PGS1: variants seen among roughly 807,000 people sequenced by gnomAD.
PGS1 encodes CDP-diacylglycerol--glycerol-3-phosphate 3-phosphatidyltransferase, mitochondrial.
PGS1 carries 44 observed loss-of-function variants against 58.3 expected under a neutral mutation model. The ratio of observed to expected loss-of-function variants is 0.75; its 90% confidence interval spans 0.59 to 0.97. The LOEUF (loss-of-function observed/expected upper bound fraction) is 0.97. PGS1 is among the 50% of genes least tolerant of loss of function. The pLI is 0.00. For missense variants in PGS1, 684 were observed against 731.1 expected (o/e 0.94, Z 0.74); for synonymous variants, 330 against 311.0 (o/e 1.06, Z -0.64).
In PGS1 at chr17:78,403,557, G is replaced by A. The variant is rs115179288; in HGVS notation, c.881-11G>A. 3.4e-3 allele frequency: 5,504 copies of A among 1,605,558 alleles called. 195 individuals are homozygous for A. In the African/African-American group the frequency reaches 0.065, roughly 19 times the overall value. On this transcript the variant is annotated splice_polypyrimidine_tract_variant and intron_variant, in intron 6 of 9. Coordinates refer to ENST00000262764, the MANE Select transcript of PGS1 (RefSeq NM_024419.5). Reference sequence around the variant, plus strand: ...TCTCTTCCCTTCACTCTTCTTTCACGTCTTCCCCAGGGGACCGGGCCGAGT... The same window carrying A: ...TCTCTTCCCTTCACTCTTCTTTCACATCTTCCCCAGGGGACCGGGCCGAGT...
intron 8 of PGS1, among the ~76,000 whole-genome samples, chr17:78,417,762 C>A (rs892838786): frequency 1.3e-5 from 2 of 151,376 alleles, no homozygotes; most frequent in Admixed American, 1.3e-4. Flanking sequence ...CGGTGGAGAG[C>A]GCTGGAGACT....
At position 78,419,700 on chromosome 17, in the gene PGS1, A is replaced by C. The variant is rs780360513; in HGVS notation, c.*10+25A>C. 2.0e-5 allele frequency: 33 copies of C among 1,611,398 alleles called. No homozygotes were observed. The South Asian group carries it at 3.4e-4, about 17-fold the overall frequency. ...GGTGCTGTCTCTAGCATCACCTCTC[A>C]GCACGATTTTCCCGAGAGTTCACAG... On this transcript the variant is annotated intron_variant, in intron 9 of 9. Coordinates refer to ENST00000262764, the MANE Select transcript of PGS1 (RefSeq NM_024419.5).
At chr17:78,391,068 G>T (rs1027259722) in intron 1 of PGS1, among the ~76,000 whole-genome samples, 2 of 152,102 alleles carry the variant, frequency 1.3e-5, no homozygotes, top group East Asian at 3.9e-4. Context: ...AGGCTCCTGA[G>T]TAGTTGGGAT....
intron 8 of PGS1, among the ~76,000 whole-genome samples, chr17:78,416,592 C>T (rs1365220176): frequency 1.3e-5 from 2 of 152,196 alleles, no homozygotes; most frequent in East Asian, 3.8e-4. Context: ...AAAGCTGGGG[C>T]CGCCTGTGGT....
chr17:78,404,263 T>TC (rs1331270728), intron 7 of PGS1, among the ~76,000 whole-genome samples, 174 bp downstream of exon 7: 1 of 149,656 alleles, frequency 6.7e-6, no homozygotes, highest in Non-Finnish European at 1.5e-5. Flanking sequence ...AGGCGAGCAT[T>TC]CATCTCCTCA....
intron 1 of PGS1, among the ~76,000 whole-genome samples, chr17:78,382,434 G>C (rs1411292018): frequency 6.6e-6 from 1 of 152,070 alleles, no homozygotes; most frequent in Non-Finnish European, 1.5e-5. Context: ...ATGGATGTTG[G>C]TACATTTCAC....
intron 9 of PGS1, chr17:78,419,907 G>A: frequency 7.9e-7 from 1 of 1,262,288 alleles, no homozygotes; most frequent in East Asian, 4.2e-5. Context: ...AAGTCCCAAG[G>A]CGCCTGTGCT....
In PGS1 at chr17:78,408,993, G is replaced by A. The variant is rs188774757; in HGVS notation, c.1402+4904G>A. Reference sequence around the variant, plus strand: ...CAGGAGCAGCCCGGCCTTGTCAGCCGTTGAAAGTGTGGTATCTGCTGGGTT... The same window carrying A: ...CAGGAGCAGCCCGGCCTTGTCAGCCATTGAAAGTGTGGTATCTGCTGGGTT... On this transcript the variant is annotated intron_variant, in intron 7 of 9. Transcript: ENST00000262764. Among the ~76,000 whole-genome samples the A allele has an allele frequency of 1.6e-4, 24 of 152,342 alleles. 1 individual carries two copies. The highest frequency in any genetic ancestry group is 6.5e-4 in the Admixed American group (10 of 15,302).
chr17:78,385,842 G>A (rs1385765291), intron 1 of PGS1, among the ~76,000 whole-genome samples: 1 of 152,254 alleles, frequency 6.6e-6, no homozygotes, highest in Non-Finnish European at 1.5e-5. Flanking sequence ...ATGGGGGCAA[G>A]TGTGTGCAGG....
rs1157617388 is a variant in PGS1 at position 78,403,229 on chromosome 17, C to A, written c.881-339C>A. ...CCTGGAGGCCCCCCGTATGTCCCCCCCAAGGAATTATCCCAAAGGTAACCA... is the reference window on the plus strand; with the variant it reads ...CCTGGAGGCCCCCCGTATGTCCCCCACAAGGAATTATCCCAAAGGTAACCA... On this transcript the variant is annotated intron_variant, in intron 6 of 9. Transcript: ENST00000262764. 2.6e-5 allele frequency among the ~76,000 whole-genome samples: 4 copies of A among 152,136 alleles called. No homozygotes were observed. The South Asian group carries it at 8.3e-4, about 32-fold the overall frequency.
chr17:78,400,525 G>T lies in PGS1; in HGVS notation c.702-152G>T. ...TGGATCAACTCTGGCTTTGTCTTTT[G>T]CACGTGTTCATTGCTGAGTAGCTAT... On this transcript the variant is annotated intron_variant, in intron 5 of 9. Coordinates refer to ENST00000262764, the MANE Select transcript of PGS1 (RefSeq NM_024419.5). This position sits in a 1 kb window ranked among gnomAD's most constrained non-coding sequence, Gnocchi z 4.4. The T allele has an allele frequency of 1.5e-6, 1 of 664,564 alleles. No individual in the cohort carries two copies. Among genetic ancestry groups the T allele is most frequent in the Non-Finnish European group, 2.7e-6 (1 of 376,598 alleles). The allele number at this position is 664,564 out of a possible 1,614,324, so 41.2% of individuals were successfully genotyped here.
chr17:78,389,618 GCC>G (rs2082671267), intron 1 of PGS1, among the ~76,000 whole-genome samples: 1 of 94,392 alleles, frequency 1.1e-5, no homozygotes, highest in East Asian at 2.6e-4. Flanking sequence ...ACCGTGCTCG[GCC>G]CCTTTTTTTT....
intron 8 of PGS1, 134 bp downstream of exon 8, chr17:78,415,161 C>A: frequency 9.9e-7 from 1 of 1,006,934 alleles, no homozygotes; most frequent in South Asian, 1.6e-5. Flanking sequence ...GCAAGAAAGA[C>A]TCTGGGTCTC....
Position 78,419,597 on chromosome 17 carries a change from G to C in PGS1, c.1603G>C (p.Glu535Gln). The C allele has an allele frequency of 6.2e-7, 1 of 1,614,076 alleles. No individual in the cohort carries two copies. The highest frequency in any genetic ancestry group is 8.5e-7 in the Non-Finnish European group (1 of 1,179,980). ...AGGTGTGGTGTCCTCTGCCACCTTC[G>C]AGCAGCCGAGTCGCCAGGTGAAGCT... Reference protein sequence around the residue: ...RSGVVSSATFEQPSRQVKLWV... With the variant: ...RSGVVSSATFQQPSRQVKLWV... The change falls in exon 9 of 10, where the codon GAG (glutamate) becomes CAG (glutamine). Residue 535 changes from glutamate to glutamine, a missense_variant. Coordinates refer to ENST00000262764, the MANE Select transcript of PGS1 (RefSeq NM_024419.5).
At chr17:78,380,862 T>C (rs1447474237) in intron 1 of PGS1, 3 of 152,172 alleles carry the variant, frequency 2.0e-5, no homozygotes, top group South Asian at 2.1e-4. Context: ...CTTTTTTTTT[T>C]TGAGACAGAG....
chr17:78,410,604 G>A (rs538258011), intron 7 of PGS1, among the ~76,000 whole-genome samples: 2 of 150,912 alleles, frequency 1.3e-5, no homozygotes, highest in South Asian at 2.1e-4. Context: ...CTCCCCAGTA[G>A]CTGGGATTAC....
rs35472026 is a variant in PGS1 at position 78,411,902 on chromosome 17, C to CTTTT, written c.1403-2952_1403-2949dup. Among the ~76,000 whole-genome samples the CTTTT allele has an allele frequency of 3.0e-3, 173 of 58,006 alleles. 29 individuals carry two copies. The highest frequency in any genetic ancestry group is 8.5e-3 in the East Asian group (12 of 1,416). 38.1% of individuals were successfully genotyped at this position (58,006 alleles called of 152,430 possible). A position where few individuals can be genotyped will look rare whatever the true frequency, so the allele number is the denominator to read the frequency against. On this transcript the variant is annotated intron_variant, in intron 7 of 9. Coordinates refer to ENST00000262764, the MANE Select transcript of PGS1 (RefSeq NM_024419.5). ...ATGAAACAGAACTAAAGGGCTCCTG[C>CTTTT]TTTTTTTTTTTTTTTTTTTTTTTTT...
At chr17:78,423,105 GAAAA>G (rs11449829) in intron 9 of PGS1, among the ~76,000 whole-genome samples, 1 of 137,506 alleles carries the variant, frequency 7.3e-6, no homozygotes, top group Non-Finnish European at 1.6e-5. Flanking sequence ...ACTCTCCCTC[GAAAA>G]AAAAAAAAAA....
chr17:78,385,744 G>T (rs961897414), intron 1 of PGS1, among the ~76,000 whole-genome samples: 1 of 152,330 alleles, frequency 6.6e-6, no homozygotes, highest in South Asian at 2.1e-4. Flanking sequence ...TTGTAAACAG[G>T]TGTGTTCCAT....
Sources: allele counts gnomAD v4.1 joint callset (sites outside exome capture counted in the v4.1 genomes callset), GRCh38; gene constraint gnomAD v4.1.1; non-coding constraint Gnocchi (gnomAD v3.1); transcripts MANE v1.5; gene names NCBI Gene and HGNC (gene_info 2026-07-23, HGNC 2026-07-21).